The following HRH1 variants were observed in gnomAD, a reference collection of about 807,000 sequenced individuals.
HRH1 encodes the protein histamine receptor H1.
A neutral mutation model predicts 10.3 loss-of-function variants in HRH1; 6 were observed. The ratio of observed to expected loss-of-function variants is 0.58; its 90% CI spans 0.32 to 1.15. HRH1 has a LOEUF of 1.15. Among genes scored for constraint, HRH1 ranks in the 50% most tolerant of loss-of-function variants. The probability of loss-of-function intolerance (pLI) is 0.05; values close to 1 mark genes in which losing one functional copy is unlikely to be tolerated. For missense variants in HRH1, 514 were observed against 615.3 expected (o/e 0.84, Z 1.74); for synonymous variants, 242 against 236.7 (o/e 1.02, Z -0.21).
At chr3:11,201,602 T>C (rs546857287) in intron 1 of HRH1, among the ~76,000 whole-genome samples, 2 of 152,236 alleles carry the variant, frequency 1.3e-5, no homozygotes, top group African/African-American at 2.4e-5. Context: ...GACCTGAGGT[T>C]AAACATGGGG....
chr3:11,155,609 G>C (rs1179714385), intron 1 of HRH1, among the ~76,000 whole-genome samples: 1 of 152,152 alleles, frequency 6.6e-6, no homozygotes, highest in Non-Finnish European at 1.5e-5. Context: ...GAGGGCTCCC[G>C]CCTCAGCCTG....
intron 1 of HRH1, among the ~76,000 whole-genome samples, chr3:11,193,849 C>T (rs554186903): frequency 2.6e-5 from 4 of 152,170 alleles, no homozygotes; most frequent in Non-Finnish European, 5.9e-5. Flanking sequence ...AATTTCAACA[C>T]ATGAATTGAT....
At position 11,260,181 on chromosome 3, in the gene HRH1, A is replaced by T. The variant is rs1446416839; in HGVS notation, c.1144A>T (p.Thr382Ser). The change falls in exon 2 of 2, where the codon ACA becomes TCA. Residue 382 changes from threonine to serine, a missense_variant. Physicochemically the swap from Thr to Ser is moderately conservative, Grantham distance 58 (BLOSUM62 1). Transcript: ENST00000431010. ...GKGKLRSGSN[T>S]GLDYIKFTWK... ...AGGCAAATTGAGGAGTGGGTCTAACACAGGCCTGGATTACATCAAGTTTAC... is the reference window on the plus strand; with the variant it reads ...AGGCAAATTGAGGAGTGGGTCTAACTCAGGCCTGGATTACATCAAGTTTAC... The T allele has an allele frequency of 6.2e-7, 1 of 1,613,872 alleles. No homozygotes were observed. Among genetic ancestry groups the T allele is most frequent in the East Asian group, 2.2e-5 (1 of 44,882 alleles).
At chr3:11,142,602 G>A (rs919699094) in intron 1 of HRH1, among the ~76,000 whole-genome samples, 6 of 152,192 alleles carry the variant, frequency 3.9e-5, no homozygotes, top group African/African-American at 1.4e-4. Context: ...CTTCTCCAAC[G>A]AGCCACAAGT....
intron 1 of HRH1, among the ~76,000 whole-genome samples, chr3:11,242,788 C>T (rs1939383585): frequency 1.3e-5 from 2 of 152,146 alleles, no homozygotes; most frequent in South Asian, 4.1e-4. Context: ...GTACAATATT[C>T]GTCAATGGGA....
intron 1 of HRH1, among the ~76,000 whole-genome samples, chr3:11,218,226 C>T (rs555798314): frequency 1.3e-5 from 2 of 152,126 alleles, no homozygotes; most frequent in South Asian, 4.2e-4. Flanking sequence ...GCGGGTGGAT[C>T]ACAAGGTCAG....
At chr3:11,163,068 TC>T (rs912418879) in intron 1 of HRH1, among the ~76,000 whole-genome samples, 2 of 152,044 alleles carry the variant, frequency 1.3e-5, no homozygotes, top group Non-Finnish European at 2.9e-5. Context: ...GGGAAGGAGA[TC>T]CTGAGACAGC....
At chr3:11,199,922 G>A (rs754462695) in intron 1 of HRH1, among the ~76,000 whole-genome samples, 1 of 152,170 alleles carries the variant, frequency 6.6e-6, no homozygotes, top group Non-Finnish European at 1.5e-5. Flanking sequence ...CTTCAGAGAA[G>A]GTGACCCCAT....
intron 1 of HRH1, among the ~76,000 whole-genome samples, chr3:11,203,207 T>C (rs1438314338): frequency 6.6e-6 from 1 of 152,244 alleles, no homozygotes; most frequent in African/African-American, 2.4e-5. Context: ...AAAATAAAGC[T>C]GCTTTAAACA....
upstream of HRH1, among the ~76,000 whole-genome samples, chr3:11,151,416 A>G (rs7619133): frequency 0.14 from 21,890 of 152,240 alleles, 1,801 homozygotes; most frequent in East Asian, 0.3. Context: ...GTTTTCATTC[A>G]AGAACACTTT....
chr3:11,149,240 T>A (rs1274483378), intron 1 of HRH1, among the ~76,000 whole-genome samples: 1 of 152,220 alleles, frequency 6.6e-6, no homozygotes, highest in African/African-American at 2.4e-5. Flanking sequence ...TATATATTTT[T>A]AAAAACCAGC....
At chr3:11,206,446 G>T (rs930293621) in intron 1 of HRH1, among the ~76,000 whole-genome samples, 2 of 152,208 alleles carry the variant, frequency 1.3e-5, no homozygotes, top group African/African-American at 2.4e-5. Context: ...TACCAAAGTT[G>T]GCCTGCTGGC....
chr3:11,200,437 A>G (rs762406464), intron 1 of HRH1, among the ~76,000 whole-genome samples: 1 of 152,204 alleles, frequency 6.6e-6, no homozygotes, highest in Non-Finnish European at 1.5e-5. Context: ...ACATGGGCTC[A>G]GCTCTGCCGT....
At chr3:11,149,374 T>A (rs1234705501) in intron 1 of HRH1, among the ~76,000 whole-genome samples, 1 of 152,238 alleles carries the variant, frequency 6.6e-6, no homozygotes, top group Non-Finnish European at 1.5e-5. Flanking sequence ...CCATTTTCAC[T>A]TAATAACACA....
chr3:11,191,858 C>G (rs1438388224), intron 1 of HRH1, among the ~76,000 whole-genome samples: 1 of 152,216 alleles, frequency 6.6e-6, no homozygotes, highest in East Asian at 1.9e-4. Context: ...CAACCCTAGT[C>G]CCTAGGACCA....
Position 11,259,939 on chromosome 3 carries a change from A to G in HRH1, c.902A>G (p.Tyr301Cys). ...QEDDREVDKL[Y>C]CFPLDIVHMQ... ...GATGATAGAGAAGTAGACAAACTCTACTGCTTTCCACTTGATATTGTGCAC... is the reference window on the plus strand; with the variant it reads ...GATGATAGAGAAGTAGACAAACTCTGCTGCTTTCCACTTGATATTGTGCAC... The change falls in exon 2 of 2, where the codon TAC becomes TGC. Residue 301 changes from tyrosine (Y) to cysteine (C), a missense_variant. By Grantham distance (194) the Tyr-to-Cys change is radical (BLOSUM62 -2). Transcript: ENST00000431010. This position sits in a 1 kb window ranked among gnomAD's most constrained non-coding sequence, Gnocchi z 4.6. 1.2e-6 allele frequency: 2 copies of G among 1,614,180 alleles called. No homozygotes were observed. The highest frequency in any genetic ancestry group is 2.2e-5 in the East Asian group (1 of 44,882).
intron 1 of HRH1, among the ~76,000 whole-genome samples, chr3:11,206,793 G>A (rs1431489217): frequency 2.0e-5 from 3 of 152,198 alleles, no homozygotes; most frequent in Non-Finnish European, 4.4e-5. Context: ...ACCTGTGCCT[G>A]GCACGTGGAG....
At chr3:11,148,461 G>A (rs76562237) in intron 1 of HRH1, among the ~76,000 whole-genome samples, 1,639 of 152,252 alleles carry the variant, frequency 0.011, 38 homozygotes, top group African/African-American at 0.038. Flanking sequence ...TATGGAAATA[G>A]ACAACCCAGG....
chr3:11,168,126 C>G (rs918172255), intron 1 of HRH1, among the ~76,000 whole-genome samples: 1 of 152,012 alleles, frequency 6.6e-6, no homozygotes, highest in Non-Finnish European at 1.5e-5. Context: ...CATGCATGCC[C>G]GTATCTCAGT....
Sources: gnomAD v4.1 joint callset for allele counts (sites outside exome capture counted in the v4.1 genomes callset) on GRCh38, gnomAD v4.1.1 for gene constraint, Gnocchi (gnomAD v3.1) non-coding constraint, MANE v1.5 for transcripts, NCBI Gene and HGNC (gene_info 2026-07-23, HGNC 2026-07-21) for gene names.